CNBD1: variants seen among roughly 807,000 people sequenced by gnomAD.
The protein encoded by CNBD1 is cyclic nucleotide-binding domain-containing protein 1.
A neutral mutation model predicts 54.4 loss-of-function variants in CNBD1; 71 were observed. The ratio of observed to expected loss-of-function variants is 1.30; its 90% CI spans 1.08 to 1.59. The LOEUF (loss-of-function observed/expected upper bound fraction) is 1.59, where lower values mean the gene tolerates loss of function less well. CNBD1 is among the 40% of genes most tolerant of loss of function. The probability of loss-of-function intolerance (pLI) is 0.00; values close to 1 mark genes in which losing one functional copy is unlikely to be tolerated. For missense variants in CNBD1, 659 were observed against 518.0 expected (o/e 1.27, Z -2.64); for synonymous variants, 182 against 170.7 (o/e 1.07, Z -0.51).
chr8:87,141,388 ACT>A (rs1446244305), intron 4 of CNBD1, among the ~76,000 whole-genome samples: 1 of 152,118 alleles, frequency 6.6e-6, no homozygotes, highest in Non-Finnish European at 1.5e-5. Context: ...ATGTTCTTAC[ACT>A]GTCAATATAT....
At chr8:87,362,597 C>A (rs1040569980) in intron 10 of CNBD1, among the ~76,000 whole-genome samples, 1 of 151,922 alleles carries the variant, frequency 6.6e-6, no homozygotes, top group African/African-American at 2.4e-5. Context: ...TTACATTCTA[C>A]CAAAGATGGC....
chr8:87,276,947 A>T (rs986031452), intron 6 of CNBD1, among the ~76,000 whole-genome samples: 1 of 151,110 alleles, frequency 6.6e-6, no homozygotes, highest in African/African-American at 2.4e-5. Flanking sequence ...TACTGAGAAA[A>T]GGGAACCAGA....
intron 4 of CNBD1, among the ~76,000 whole-genome samples, chr8:87,193,736 C>A (rs907814609): frequency 3.3e-5 from 5 of 152,014 alleles, no homozygotes; most frequent in Non-Finnish European, 7.4e-5. Context: ...AACAGAATTT[C>A]TAATACCTAG....
At chr8:87,395,703 A>G (rs1811396261) in intron 2 of CNBD1, among the ~76,000 whole-genome samples, 1 of 151,862 alleles carries the variant, frequency 6.6e-6, no homozygotes, top group Admixed American at 6.6e-5. Context: ...ATAGAGGTTA[A>G]TGCAACACAG....
downstream of CNBD1, among the ~76,000 whole-genome samples, chr8:87,387,289 C>T (rs1445549953): frequency 6.6e-6 from 1 of 151,992 alleles, no homozygotes; most frequent in Non-Finnish European, 1.5e-5. Flanking sequence ...CTAAACACTC[C>T]AATTAAAAGA....
intron 10 of CNBD1, among the ~76,000 whole-genome samples, chr8:87,369,447 C>G (rs550767541): frequency 6.6e-6 from 1 of 152,042 alleles, no homozygotes; most frequent in Non-Finnish European, 1.5e-5. Flanking sequence ...CACATTCTAT[C>G]CTTCCTTTTC....
At chr8:87,246,927 C>A (rs771860991) in intron 6 of CNBD1, among the ~76,000 whole-genome samples, 2 of 152,054 alleles carry the variant, frequency 1.3e-5, no homozygotes, top group African/African-American at 2.4e-5. Flanking sequence ...GAGCCCTGAG[C>A]TTGTTTTCCT....
Position 87,225,020 on chromosome 8 carries a change from T to C in CNBD1, c.578-11899T>C, listed in dbSNP as rs184613375. On this transcript the variant is annotated intron_variant, in intron 5 of 10. Transcript: ENST00000518476. ...CTTTGAAGCAATTGTGAATGGGAGT[T>C]CACTCGTGATTTGGCTCTCTGTTTG... 3.1e-4 allele frequency among the ~76,000 whole-genome samples: 47 copies of C among 152,106 alleles called. 1 individual carries two copies. Among genetic ancestry groups the C allele is most frequent in the African/African-American group, 9.6e-4 (40 of 41,486 alleles).
intron 4 of CNBD1, among the ~76,000 whole-genome samples, chr8:87,139,689 C>T (rs748530745): frequency 2.6e-5 from 4 of 152,070 alleles, no homozygotes; most frequent in Non-Finnish European, 4.4e-5. Context: ...TAAATGATAG[C>T]ACAACCAAGC....
chr8:87,252,693 G>A (rs1263904511), intron 6 of CNBD1, among the ~76,000 whole-genome samples: 1 of 152,144 alleles, frequency 6.6e-6, no homozygotes, highest in Non-Finnish European at 1.5e-5. Context: ...CCAAAACTCA[G>A]AGGGATTTTT....
At chr8:87,152,262 C>A (rs570329642) in intron 4 of CNBD1, among the ~76,000 whole-genome samples, 1 of 151,858 alleles carries the variant, frequency 6.6e-6, no homozygotes, top group Non-Finnish European at 1.5e-5. Context: ...AATAGTAGGG[C>A]TTTGCTAAAG....
chr8:87,219,906 A>G (rs1814292867), intron 5 of CNBD1, among the ~76,000 whole-genome samples: 1 of 151,942 alleles, frequency 6.6e-6, no homozygotes, highest in Admixed American at 6.6e-5. Context: ...ATGTCCATTC[A>G]CTAGTTCATA....
At chr8:86,907,528 C>T (rs936656512) in intron 3 of CNBD1, among the ~76,000 whole-genome samples, 1 of 151,936 alleles carries the variant, frequency 6.6e-6, no homozygotes, top group Non-Finnish European at 1.5e-5. Context: ...ATTAGCCGGG[C>T]ATGGTGGTGG....
In CNBD1 at chr8:87,151,936, A is replaced by G. The variant is rs150551276; in HGVS notation, c.432-54057A>G. ...TGATACTTTAAAAGTTTAGCTTCTT[A>G]TATAACTTAATCATCATCATTATAA... On this transcript the variant is annotated intron_variant, in intron 4 of 10. Coordinates refer to ENST00000518476, the MANE Select transcript of CNBD1 (RefSeq NM_173538.3). Among the ~76,000 whole-genome samples the G allele has an allele frequency of 4.9e-4, 75 of 152,206 alleles. 1 individual carries two copies. The East Asian group carries it at 0.014, about 29-fold the overall frequency.
At chr8:86,905,262 T>C in intron 3 of CNBD1, 68 bp downstream of exon 3, 1 of 892,880 alleles carries the variant, frequency 1.1e-6, no homozygotes, top group Non-Finnish European at 1.8e-6. Context: ...TCACACAAGT[T>C]GAACTCAAAA....
intron 4 of CNBD1, among the ~76,000 whole-genome samples, chr8:87,049,268 G>A (rs1373584829): frequency 6.6e-6 from 1 of 152,182 alleles, no homozygotes; most frequent in Non-Finnish European, 1.5e-5. Context: ...GAAAATTGAG[G>A]ATGAAGTCTG....
At chr8:86,999,254 A>C (rs1808943929) in intron 4 of CNBD1, among the ~76,000 whole-genome samples, 2 of 152,194 alleles carry the variant, frequency 1.3e-5, no homozygotes, top group Admixed American at 6.5e-5. Flanking sequence ...GTGGATTAAG[A>C]GAAAAGGCAG....
At chr8:87,117,415 AGAACTG>A (rs1811797868) in intron 4 of CNBD1, among the ~76,000 whole-genome samples, 1 of 151,078 alleles carries the variant, frequency 6.6e-6, no homozygotes, top group Non-Finnish European at 1.5e-5. Context: ...AAAAAAAAAA[AGAACTG>A]AGAACACATC....
At position 87,233,328 on chromosome 8, in the gene CNBD1, GT is replaced by G. The variant is rs142583191; in HGVS notation, c.578-3588del. 5.3e-3 allele frequency among the ~76,000 whole-genome samples: 799 copies of G among 152,142 alleles called. 6 individuals carry two copies. The highest frequency in any genetic ancestry group is 0.018 in the African/African-American group (764 of 41,514). On this transcript the variant is annotated intron_variant, in intron 5 of 10. Transcript: ENST00000518476. ...CAGGCACTCCTCAGAGAAATTTCAG[GT>G]TTAGTTTCAGAGCACTGCAACAAAA...
Sources: allele counts gnomAD v4.1 joint callset (sites outside exome capture counted in the v4.1 genomes callset), GRCh38; gene constraint gnomAD v4.1.1; transcripts MANE v1.5; gene names NCBI Gene and HGNC (gene_info 2026-07-23, HGNC 2026-07-21).